The following FRMD4A variants were observed in gnomAD, a reference collection of about 807,000 sequenced individuals.
FRMD4A encodes FERM domain containing 4A.
In FRMD4A, 29 loss-of-function variants were observed where a neutral mutation model predicts 129.1. The ratio of observed to expected loss-of-function variants is 0.22; its 90% confidence interval spans 0.17 to 0.31. The LOEUF (loss-of-function observed/expected upper bound fraction) is 0.31. FRMD4A is among the 10% of genes least tolerant of loss of function. The pLI is 1.00. For synonymous variants in FRMD4A, 634 were observed against 571.6 expected (o/e 1.11, Z -1.56); for missense variants, 1,272 against 1,375.8 (o/e 0.92, Z 1.19).
At chr10:13,917,992 A>C (rs1284713782) in intron 2 of FRMD4A, among the ~76,000 whole-genome samples, 1 of 152,236 alleles carries the variant, frequency 6.6e-6, no homozygotes, top group Non-Finnish European at 1.5e-5. Flanking sequence ...AAAAGTGATC[A>C]CTATTACCTT....
At chr10:14,266,528 T>C (rs929896602) in intron 2 of FRMD4A, among the ~76,000 whole-genome samples, 1 of 150,284 alleles carries the variant, frequency 6.7e-6, no homozygotes, top group Admixed American at 6.6e-5. Flanking sequence ...TGTGTGTATG[T>C]GTGTGGCTAT....
chr10:13,681,707 G>A (rs983526493), intron 15 of FRMD4A, among the ~76,000 whole-genome samples: 1 of 152,140 alleles, frequency 6.6e-6, no homozygotes, highest in African/African-American at 2.4e-5. Context: ...GTGGTTTTGA[G>A]GTAATAGGGC....
At chr10:14,145,016 G>A (rs1164661996) in intron 2 of FRMD4A, among the ~76,000 whole-genome samples, 1 of 152,118 alleles carries the variant, frequency 6.6e-6, no homozygotes, top group African/African-American at 2.4e-5. Context: ...ATTAGATTGT[G>A]GTGGGAGCAA....
intron 2 of FRMD4A, among the ~76,000 whole-genome samples, chr10:14,039,058 T>C (rs1439534177): frequency 6.6e-6 from 1 of 152,188 alleles, no homozygotes; most frequent in Non-Finnish European, 1.5e-5. Flanking sequence ...AATTAACATA[T>C]TCAATATTTA....
chr10:14,068,219 T>A (rs115329825), intron 2 of FRMD4A, among the ~76,000 whole-genome samples: 4,499 of 152,142 alleles, frequency 0.03, 164 homozygotes, highest in East Asian at 0.13. Flanking sequence ...GGCGCAGGGG[T>A]TGGGGCAGAG....
chr10:14,021,815 C>G lies in FRMD4A; in HGVS notation c.46-162903G>C, dbSNP rs547173406. On this transcript the variant is annotated intron_variant, in intron 2 of 24. Transcript: ENST00000357447. ...ACCGATATCTTACAATAACAAATTACAAACAAAAAAGAGTCCCTATTATTT... is the reference window on the plus strand; with the variant it reads ...ACCGATATCTTACAATAACAAATTAGAAACAAAAAAGAGTCCCTATTATTT... Among the ~76,000 whole-genome samples the G allele has an allele frequency of 7.2e-5, 11 of 152,074 alleles. No individual in the cohort carries two copies. The South Asian group carries it at 2.3e-3, about 32-fold the overall frequency.
At chr10:13,663,666 T>C (rs1429130425) in intron 18 of FRMD4A, among the ~76,000 whole-genome samples, 157 bp from the exon 19 acceptor site, 2 of 152,222 alleles carry the variant, frequency 1.3e-5, no homozygotes, top group Non-Finnish European at 2.9e-5. Flanking sequence ...GTGTTTCTTT[T>C]GTCAGTCCCC....
At chr10:13,960,762 C>T (rs889983680) in intron 2 of FRMD4A, among the ~76,000 whole-genome samples, 1 of 152,120 alleles carries the variant, frequency 6.6e-6, no homozygotes, top group Non-Finnish European at 1.5e-5. Flanking sequence ...GTCATGTGAC[C>T]AAGTTCTGGC....
At position 13,750,045 on chromosome 10, in the gene FRMD4A, AAAGGAAGG is replaced by A. The variant is rs60816536; in HGVS notation, c.465-2234_465-2227del. Among the ~76,000 whole-genome samples the A allele has an allele frequency of 1.1e-3, 130 of 118,996 alleles. 1 individual carries two copies. Among genetic ancestry groups the A allele is most frequent in the African/African-American group, 4.0e-3 (120 of 29,752 alleles). The allele number at this position is 118,996 out of a possible 152,430, so 78.1% of individuals were successfully genotyped here. A position where few individuals can be genotyped will look rare whatever the true frequency, so the allele number is the denominator to read the frequency against. On this transcript the variant is annotated intron_variant, in intron 8 of 24. Transcript: ENST00000357447. ...GGAGAGAGAGAAAGAGAGGGAAAGG[AAAGGAAGG>A]AAGGAAGGAAGGAAGGAAGAAAGAA... is the stretch of plus-strand genomic sequence containing the variant.
intron 2 of FRMD4A, among the ~76,000 whole-genome samples, chr10:14,185,731 G>T (rs967807599): frequency 6.6e-6 from 1 of 152,182 alleles, no homozygotes; most frequent in Non-Finnish European, 1.5e-5. Flanking sequence ...AGAGAGAAGG[G>T]ATGGCAACAG....
At chr10:13,679,794 C>A (rs1414046330) in intron 15 of FRMD4A, among the ~76,000 whole-genome samples, 1 of 152,112 alleles carries the variant, frequency 6.6e-6, no homozygotes, top group Admixed American at 6.6e-5. Flanking sequence ...CTTGTCTGAT[C>A]TGAGCCTGCG....
intron 2 of FRMD4A, among the ~76,000 whole-genome samples, chr10:14,088,373 G>A (rs752008044): frequency 1.7e-4 from 26 of 151,830 alleles, no homozygotes; most frequent in Non-Finnish European, 3.5e-4. Flanking sequence ...CCTGAGCGTG[G>A]GCGGCCGAAG....
At position 14,330,886 on chromosome 10, in the gene FRMD4A, G is replaced by T. The variant is rs1843491411; in HGVS notation, c.-371C>A. 2.5e-6 allele frequency: 1 copy of T among 398,504 alleles called. No individual in the cohort carries two copies. Among genetic ancestry groups the T allele is most frequent in the Non-Finnish European group, 4.4e-6 (1 of 226,112 alleles). The allele number at this position is 398,504 out of a possible 1,614,324, so 24.7% of individuals were successfully genotyped here. On this transcript the variant is annotated 5_prime_UTR_variant, in exon 1 of 25. Coordinates refer to ENST00000357447, the MANE Select transcript of FRMD4A (RefSeq NM_018027.5). Reference sequence around the variant, plus strand: ...GCACTGCCTGTTCTGTGAGCGTTCTGATCTCCCTGGCTGTACCACATGTAC... The same window carrying T: ...GCACTGCCTGTTCTGTGAGCGTTCTTATCTCCCTGGCTGTACCACATGTAC...
intron 2 of FRMD4A, among the ~76,000 whole-genome samples, chr10:13,919,246 C>T (rs1465398124): frequency 6.6e-6 from 1 of 152,182 alleles, no homozygotes; most frequent in East Asian, 1.9e-4. Context: ...AGCCAGTTGT[C>T]CGTGACTTTG....
rs1037282879 is a variant in FRMD4A, at chr10:14,315,764, T to C, written c.45+14294A>G. On this transcript the variant is annotated intron_variant, in intron 2 of 24. Transcript: ENST00000357447. ...CCTCTACTCTTCCTGATACTTTAAA[T>C]TCTGCCTTAAACTATTCCCTTATTG... Among the ~76,000 whole-genome samples, 6 of 152,246 alleles carry C rather than the reference T, an allele frequency of 3.9e-5. No homozygotes were observed. In the South Asian group the frequency reaches 1.2e-3, roughly 31 times the overall value.
intron 3 of FRMD4A, among the ~76,000 whole-genome samples, chr10:13,856,217 AGTGTGTGTGTGT>A (rs36225405): frequency 0.033 from 4,810 of 145,960 alleles, 94 homozygotes; most frequent in African/African-American, 0.06. Context: ...ATTTTGTGCA[AGTGTGTGTGTGT>A]GTGTGTGTGT....
At chr10:14,232,143 C>G (rs1304050706) in intron 2 of FRMD4A, among the ~76,000 whole-genome samples, 1 of 152,172 alleles carries the variant, frequency 6.6e-6, no homozygotes, top group African/African-American at 2.4e-5. Context: ...CAATCTTCTG[C>G]ATATGGCTAG....
chr10:14,291,985 G>T (rs1022517987), intron 2 of FRMD4A, among the ~76,000 whole-genome samples: 1 of 151,920 alleles, frequency 6.6e-6, no homozygotes, highest in Non-Finnish European at 1.5e-5. Flanking sequence ...TATTTCTTAG[G>T]AATAAATCTA....
intron 12 of FRMD4A, among the ~76,000 whole-genome samples, chr10:13,716,642 C>T (rs776484617): frequency 5.3e-5 from 8 of 152,182 alleles, no homozygotes; most frequent in East Asian, 1.9e-4. Flanking sequence ...CCCAGAGCAC[C>T]GGGCCTTGAC....
Sources: allele counts gnomAD v4.1 joint callset (sites outside exome capture counted in the v4.1 genomes callset), GRCh38; gene constraint gnomAD v4.1.1; transcripts MANE v1.5; gene names NCBI Gene and HGNC (gene_info 2026-07-23, HGNC 2026-07-21).